DNA2: variants seen among roughly 807,000 people sequenced by gnomAD.
DNA2 encodes the protein DNA replication ATP-dependent helicase/nuclease DNA2.
DNA2 carries 101 observed loss-of-function variants against 119.1 expected under a neutral mutation model. The observed-to-expected ratio is 0.85, with a 90% CI of 0.72 to 1.00. The LOEUF (loss-of-function observed/expected upper bound fraction) is 1.00. Ranked by LOEUF, DNA2 falls within the 50% of genes least tolerant of loss-of-function variation. The probability of loss-of-function intolerance (pLI) is 0.00; values close to 1 mark genes in which losing one functional copy is unlikely to be tolerated. For missense variants in DNA2, 1,121 were observed against 1,255.5 expected (o/e 0.89, Z 1.62); for synonymous variants, 366 against 424.4 (o/e 0.86, Z 1.69).
intron 1 of DNA2, 194 bp from the exon 2 acceptor site, chr10:68,470,357 C>A: frequency 3.8e-6 from 2 of 528,796 alleles, no homozygotes; most frequent in Non-Finnish European, 6.6e-6. Context: ...TAAAAACTTC[C>A]CAGAAGTAAT....
Position 68,437,048 on chromosome 10 carries a change from C to T in DNA2, c.1609G>A (p.Glu537Lys). Residue 537 changes from glutamate (E) to lysine (K), a missense_variant, in exon 10 of 21, where the codon GAG (glutamate) becomes AAG (lysine). Coordinates refer to ENST00000358410, the MANE Select transcript of DNA2 (RefSeq NM_001080449.3). ...CAAGTTACTGTTGTCATGTTAATCTCCTTCACATATCCTCTAGACAAAGCA... is the reference window on the plus strand; with the variant it reads ...CAAGTTACTGTTGTCATGTTAATCTTCTTCACATATCCTCTAGACAAAGCA... Reference protein sequence around the residue: ...LFALSRGYVKEINMTTVTCLL... With the variant: ...LFALSRGYVKKINMTTVTCLL... 1 of 1,613,052 alleles carries T rather than the reference C, an allele frequency of 6.2e-7. No individual in the cohort carries two copies. Among genetic ancestry groups the T allele is most frequent in the South Asian group, 1.1e-5 (1 of 90,716 alleles).
rs1008867647 is a variant in DNA2, at chr10:68,414,953, A to C, written c.*86T>G. On this transcript the variant is annotated 3_prime_UTR_variant, in exon 21 of 21. Coordinates refer to ENST00000358410, the MANE Select transcript of DNA2 (RefSeq NM_001080449.3). Reference sequence around the variant, plus strand: ...GCTTTAAAACATAAATACTGCATTAAATTTTGTATGGTGATAGAATTTTCT... The same window carrying C: ...GCTTTAAAACATAAATACTGCATTACATTTTGTATGGTGATAGAATTTTCT... 4 of 858,452 alleles carry C rather than the reference A, an allele frequency of 4.7e-6. No individual in the cohort carries two copies. The African/African-American group carries it at 6.8e-5, about 15-fold the overall frequency. The allele number at this position is 858,452 out of a possible 1,614,324, so 53.2% of individuals were successfully genotyped here.
rs1301940365 is a variant in DNA2 at position 68,448,980 on chromosome 10, T to TGTGC, written c.939+1047_939+1048insGCAC. Among the ~76,000 whole-genome samples, 255 of 142,186 alleles carry TGTGC rather than the reference T, an allele frequency of 1.8e-3. 9 individuals are homozygous for TGTGC. The highest frequency in any genetic ancestry group is 7.2e-3 in the African/African-American group (241 of 33,658). 93.3% of individuals were successfully genotyped at this position (142,186 alleles called of 152,430 possible). On this transcript the variant is annotated intron_variant, in intron 6 of 20. Transcript: ENST00000358410. ...GTGTGTGTGTGTGCGTGTGTGTGTG[T>TGTGC]GTGTGTAGTAGTTTCACCATGTTGG...
intron 19 of DNA2, among the ~76,000 whole-genome samples, chr10:68,417,108 G>A (rs2051599007): frequency 6.6e-6 from 1 of 151,992 alleles, no homozygotes; most frequent in Non-Finnish European, 1.5e-5. Context: ...GCCAGGCGTG[G>A]TGGTGTGCAC....
rs369063345 is a variant in DNA2, at chr10:68,419,771, A to G, written c.2787+32T>C. On this transcript the variant is annotated intron_variant, in intron 18 of 20. Coordinates refer to ENST00000358410, the MANE Select transcript of DNA2 (RefSeq NM_001080449.3). Reference sequence around the variant, plus strand: ...CTAACATTCTTTTATTCTGCACTTTAATATTTGCTAGCCTTGAAAATTCTA... The same window carrying G: ...CTAACATTCTTTTATTCTGCACTTTGATATTTGCTAGCCTTGAAAATTCTA... 1.5e-5 allele frequency: 23 copies of G among 1,492,874 alleles called. No individual in the cohort carries two copies. In the East Asian group the frequency reaches 3.2e-4, roughly 20 times the overall value. The allele number at this position is 1,492,874 out of a possible 1,614,324, so 92.5% of individuals were successfully genotyped here.
At chr10:68,470,973 G>T (rs1311843054) in intron 1 of DNA2, among the ~76,000 whole-genome samples, 1 of 152,114 alleles carries the variant, frequency 6.6e-6, no homozygotes, top group Non-Finnish European at 1.5e-5. Flanking sequence ...AAGTCAATTT[G>T]TCAATACTTT....
chr10:68,454,356 CAAA>C (rs562333641), intron 5 of DNA2, among the ~76,000 whole-genome samples: 1 of 116,480 alleles, frequency 8.6e-6, no homozygotes, highest in African/African-American at 3.0e-5. Context: ...TAATTTTAAC[CAAA>C]AAAAAAAAAA....
rs960524360 is a variant in DNA2, at chr10:68,469,887, T to C, written c.257+94A>G. The C allele has an allele frequency of 2.3e-5, 27 of 1,149,408 alleles. No homozygotes were observed. The East Asian group carries it at 6.8e-4, about 29-fold the overall frequency. 71.2% of individuals were successfully genotyped at this position (1,149,408 alleles called of 1,614,324 possible). ...ATCAAACCTACTCCCTTTTAAACAATTAAATTATAGTAACATTCACAGAAG... is the reference window on the plus strand; with the variant it reads ...ATCAAACCTACTCCCTTTTAAACAACTAAATTATAGTAACATTCACAGAAG... On this transcript the variant is annotated intron_variant, in intron 2 of 20. Transcript: ENST00000358410.
chr10:68,472,198 C>T (rs1009296351), upstream of DNA2: 4 of 1,255,364 alleles, frequency 3.2e-6, no homozygotes, highest in African/African-American at 6.2e-5. Flanking sequence ...GGGTTCACAC[C>T]ATTCTCCTGC....
chr10:68,419,956 C>T, intron 17 of DNA2, 64 bp from the exon 18 acceptor site: 1 of 1,381,442 alleles, frequency 7.2e-7, no homozygotes, highest in Non-Finnish European at 1.0e-6. Flanking sequence ...AAGTACGCAA[C>T]TGGCCATAAA....
chr10:68,420,558 G>T (rs1304390587), intron 17 of DNA2, among the ~76,000 whole-genome samples: 1 of 151,012 alleles, frequency 6.6e-6, no homozygotes, highest in Non-Finnish European at 1.5e-5. Context: ...AACAAACTTA[G>T]ATCTGGGTCG....
At chr10:68,464,829 CAAAAAAAAAA>C (rs71009067) in intron 4 of DNA2, among the ~76,000 whole-genome samples, 4 of 40,652 alleles carry the variant, frequency 9.8e-5, no homozygotes, top group African/African-American at 9.6e-5. Context: ...AACTCCACCT[CAAAAAAAAAA>C]AAAAAAAAAA....
intron 9 of DNA2, among the ~76,000 whole-genome samples, chr10:68,441,974 C>T (rs2051974917): frequency 6.6e-6 from 1 of 151,734 alleles, no homozygotes; most frequent in African/African-American, 2.4e-5. Flanking sequence ...ATCACCCAGG[C>T]TGGAGTGCAG....
upstream of DNA2, chr10:68,472,048 C>A: frequency 6.2e-7 from 1 of 1,602,080 alleles, no homozygotes. Context: ...ACGTGGGGCC[C>A]CTCACCTGAG....
intron 8 of DNA2, among the ~76,000 whole-genome samples, chr10:68,443,718 G>A (rs570514577): frequency 1.3e-5 from 2 of 152,142 alleles, no homozygotes; most frequent in South Asian, 4.2e-4. Context: ...GGAGGCCAAG[G>A]CGGGTGGATT....
chr10:68,469,380 A>G (rs1207786045), intron 2 of DNA2, among the ~76,000 whole-genome samples: 1 of 139,070 alleles, frequency 7.2e-6, no homozygotes, highest in Non-Finnish European at 1.5e-5. Context: ...CCCTGTCTCT[A>G]CTAAAAATAC....
chr10:68,439,547 C>T, intron 9 of DNA2, among the ~76,000 whole-genome samples: 1 of 150,614 alleles, frequency 6.6e-6, no homozygotes, highest in East Asian at 2.0e-4. Context: ...ACTAAAAATA[C>T]AAAAAAATAG....
chr10:68,427,167 G>A (rs1051211629), intron 14 of DNA2, among the ~76,000 whole-genome samples: 1 of 151,596 alleles, frequency 6.6e-6, no homozygotes, highest in African/African-American at 2.4e-5. Context: ...TCAAGAGTTC[G>A]AGACTAGCCT....
intron 4 of DNA2, 49 bp from the exon 5 acceptor site, chr10:68,459,284 C>A: frequency 5.5e-6 from 8 of 1,443,688 alleles, no homozygotes; most frequent in South Asian, 1.5e-5. Flanking sequence ...CGGTACCTGC[C>A]AAAAATATGA....
Sources: gnomAD v4.1 joint callset for allele counts (sites outside exome capture counted in the v4.1 genomes callset) on GRCh38, gnomAD v4.1.1 for gene constraint, MANE v1.5 for transcripts, NCBI Gene and HGNC (gene_info 2026-07-23, HGNC 2026-07-21) for gene names.